Variants in FAM135B observed in about 807,000 individuals in gnomAD.
FAM135B encodes family with sequence similarity 135 member B.
Under a neutral mutation model 127.7 loss-of-function variants are expected in FAM135B, and 43 were observed. That is an observed-to-expected ratio of 0.34 (90% CI 0.26 to 0.43). The LOEUF (loss-of-function observed/expected upper bound fraction) is 0.43. FAM135B is among the 20% of genes least tolerant of loss of function. FAM135B has a pLI of 1.00. For synonymous variants in FAM135B, 670 were observed against 665.1 expected, an observed-to-expected ratio of 1.01 and a Z score of -0.11; for missense variants, 1,558 against 1,725.6, an observed-to-expected ratio of 0.90 and a Z score of 1.72.
intron 1 of FAM135B, among the ~76,000 whole-genome samples, chr8:138,433,029 G>A (rs1835280032): frequency 6.6e-6 from 1 of 152,128 alleles, no homozygotes; most frequent in African/African-American, 2.4e-5. Context: ...TGAGGCAAGA[G>A]GCAGGAGAGC....
intron 7 of FAM135B, among the ~76,000 whole-genome samples, chr8:138,237,728 A>C (rs915429785): frequency 3.3e-5 from 5 of 152,234 alleles, no homozygotes; most frequent in Non-Finnish European, 7.3e-5. Context: ...CCAAAGAAAA[A>C]GAAATTCTGC....
intron 2 of FAM135B, among the ~76,000 whole-genome samples, chr8:138,357,157 A>T (rs1004800328): frequency 1.6e-4 from 24 of 152,256 alleles, no homozygotes; most frequent in Admixed American, 5.9e-4. Flanking sequence ...CTAAAGAAAA[A>T]AAGACAATTT....
intron 7 of FAM135B, among the ~76,000 whole-genome samples, chr8:138,225,789 G>T (rs190104975): frequency 6.7e-4 from 102 of 152,288 alleles, no homozygotes; most frequent in Admixed American, 3.9e-3. Flanking sequence ...CAGGTGTCAG[G>T]CAGTCATGAG....
chr8:138,426,008 T>TATAC (rs1834842660), intron 1 of FAM135B, among the ~76,000 whole-genome samples: 1 of 18,684 alleles, frequency 5.4e-5, no homozygotes, highest in African/African-American at 5.2e-4. Flanking sequence ...TATATATATA[T>TATAC]ATATACACAC....
At chr8:138,329,212 GGA>G (rs908322111) in intron 2 of FAM135B, among the ~76,000 whole-genome samples, 3 of 152,086 alleles carry the variant, frequency 2.0e-5, no homozygotes, top group African/African-American at 4.8e-5. Context: ...AGAGAGAAAT[GGA>G]GAGAGAGAGA....
intron 1 of FAM135B, among the ~76,000 whole-genome samples, chr8:138,400,830 CA>C (rs1318572982): frequency 2.6e-5 from 4 of 152,090 alleles, no homozygotes; most frequent in Non-Finnish European, 5.9e-5. Context: ...TCCAAAACAC[CA>C]AAATGTATGA....
intron 1 of FAM135B, among the ~76,000 whole-genome samples, chr8:138,373,794 G>A (rs903019798): frequency 6.6e-5 from 10 of 151,998 alleles, no homozygotes; most frequent in African/African-American, 2.4e-4. Flanking sequence ...GACGAAATAA[G>A]CCCCAGTCTC....
intron 1 of FAM135B, among the ~76,000 whole-genome samples, chr8:138,376,769 C>T (rs1831502566): frequency 6.6e-6 from 1 of 152,144 alleles, no homozygotes; most frequent in Non-Finnish European, 1.5e-5. Flanking sequence ...TCATTGCCTA[C>T]AAAACTGTCA....
At chr8:138,347,590 C>T (rs1163452535) in intron 2 of FAM135B, among the ~76,000 whole-genome samples, 1 of 151,678 alleles carries the variant, frequency 6.6e-6, no homozygotes. Flanking sequence ...TAATTAACAG[C>T]CCTCTCATAA....
chr8:138,425,642 C>G (rs4909792), intron 1 of FAM135B: 1 of 151,746 alleles, frequency 6.6e-6, no homozygotes, highest in African/African-American at 2.4e-5. Context: ...AAAGAGTGTG[C>G]TAAGCCTCAT....
intron 9 of FAM135B, among the ~76,000 whole-genome samples, chr8:138,187,033 G>C (rs529750777): frequency 2.6e-5 from 4 of 152,300 alleles, no homozygotes; most frequent in Admixed American, 1.3e-4. Flanking sequence ...AGCAAGGATA[G>C]AGCCTGGTGA....
chr8:138,336,365 C>T (rs767821451), intron 2 of FAM135B, among the ~76,000 whole-genome samples: 6 of 151,880 alleles, frequency 4.0e-5, no homozygotes, highest in Non-Finnish European at 7.4e-5. Context: ...TCTAGCAAGA[C>T]TAATAAAGAA....
chr8:138,134,246 T>A (rs1315503330), intron 19 of FAM135B, among the ~76,000 whole-genome samples: 2 of 152,188 alleles, frequency 1.3e-5, no homozygotes, highest in African/African-American at 2.4e-5. Context: ...TAATATTTTT[T>A]AAATGATGTA....
chr8:138,382,674 G>A (rs1427002267), intron 1 of FAM135B, among the ~76,000 whole-genome samples: 2 of 152,178 alleles, frequency 1.3e-5, no homozygotes, highest in South Asian at 2.1e-4. Context: ...AAAGTGCATA[G>A]TGTGGCACCT....
chr8:138,136,512 G>A (rs1161234264), intron 19 of FAM135B, among the ~76,000 whole-genome samples: 2 of 152,106 alleles, frequency 1.3e-5, no homozygotes, highest in Non-Finnish European at 2.9e-5. Flanking sequence ...TGAAACGTAT[G>A]CAGGAATTTT....
intron 1 of FAM135B, among the ~76,000 whole-genome samples, chr8:138,413,089 A>G (rs1028026597): frequency 3.3e-5 from 5 of 152,122 alleles, no homozygotes; most frequent in African/African-American, 1.2e-4. Context: ...ATAATTCCCT[A>G]TATTTTTATT....
In FAM135B at chr8:138,141,403, A is replaced by T; in HGVS notation, c.3639-54T>A. ...AGTGTGACGGTGAATGCTGCTGCCC[A>T]AGAGTGCAGTGCTGGAAGCATCAGG... On this transcript the variant is annotated intron_variant, in intron 16 of 19. Transcript: ENST00000395297. The surrounding 1 kb of genome is among the most constrained non-coding windows in gnomAD (Gnocchi z 4.7). 6.3e-7 allele frequency: 1 copy of T among 1,578,284 alleles called. No individual in the cohort carries two copies. The highest frequency in any genetic ancestry group is 1.1e-5 in the South Asian group (1 of 89,134).
chr8:138,349,212 C>A (rs1485530124), intron 2 of FAM135B, among the ~76,000 whole-genome samples: 1 of 152,246 alleles, frequency 6.6e-6, no homozygotes, highest in Non-Finnish European at 1.5e-5. Flanking sequence ...TGCCTCCTCA[C>A]TTCTTCACTG....
At chr8:138,190,919 A>G (rs746467035) in intron 9 of FAM135B, among the ~76,000 whole-genome samples, 1 of 152,172 alleles carries the variant, frequency 6.6e-6, no homozygotes, top group South Asian at 2.1e-4. Flanking sequence ...GACCAAACCA[A>G]TGCAGATCTT....
Sources: allele counts gnomAD v4.1 joint callset (sites outside exome capture counted in the v4.1 genomes callset), GRCh38; gene constraint gnomAD v4.1.1; non-coding constraint Gnocchi (gnomAD v3.1); transcripts MANE v1.5; gene names NCBI Gene and HGNC (gene_info 2026-07-23, HGNC 2026-07-21).